The following CNTN4 variants were observed in gnomAD, a reference collection of about 807,000 sequenced individuals.
CNTN4 encodes the protein contactin-4.
CNTN4 carries 77 observed loss-of-function variants against 122.5 expected under a neutral mutation model. That is an observed-to-expected ratio of 0.63 (90% CI 0.52 to 0.76). The LOEUF is 0.76. Ranked by LOEUF, CNTN4 falls within the 30% of genes least tolerant of loss-of-function variation. The pLI, the probability that CNTN4 is intolerant of heterozygous loss-of-function variation, is 0.00. For synonymous variants in CNTN4, 512 were observed against 447.0 expected (o/e 1.15, Z -1.83); for missense variants, 1,256 against 1,259.1 (o/e 1.00, Z 0.04).
At chr3:2,945,312 C>T (rs186413602) in intron 13 of CNTN4, among the ~76,000 whole-genome samples, 1 of 152,314 alleles carries the variant, frequency 6.6e-6, no homozygotes, top group East Asian at 1.9e-4. Context: ...CTGAATTTCT[C>T]ATCATGTTCA....
intron 2 of CNTN4, among the ~76,000 whole-genome samples, chr3:2,270,944 A>T (rs2041269471): frequency 6.6e-6 from 1 of 152,140 alleles, no homozygotes; most frequent in South Asian, 2.1e-4. Flanking sequence ...GTTCCCTCCT[A>T]AAGAACTATC....
intron 2 of CNTN4, among the ~76,000 whole-genome samples, chr3:2,235,835 A>G (rs1474017092): frequency 6.6e-6 from 1 of 152,170 alleles, no homozygotes; most frequent in Admixed American, 6.5e-5. Context: ...CAGGTTTTCA[A>G]TGGCCACTCT....
At chr3:2,392,027 T>G (rs2150891463) in intron 3 of CNTN4, among the ~76,000 whole-genome samples, 1 of 152,286 alleles carries the variant, frequency 6.6e-6, no homozygotes, top group Non-Finnish European at 1.5e-5. Flanking sequence ...CTTATGCATC[T>G]CAGATTAGAA....
In CNTN4 at chr3:2,783,991, T is replaced by C. The variant is rs558330342; in HGVS notation, c.359-35495T>C. On this transcript the variant is annotated intron_variant, in intron 6 of 24. Transcript: ENST00000418658. The stretch of plus-strand genomic sequence containing the variant: ...CTCTTTTATTAACCATAAGCCTTTC[T>C]GGTCTTCTGGGTGTATATTTGTCAG... Among the ~76,000 whole-genome samples the C allele has an allele frequency of 2.4e-3, 369 of 152,366 alleles. 3 individuals are homozygous for C. The highest frequency in any genetic ancestry group is 8.3e-3 in the African/African-American group (346 of 41,588).
At chr3:2,332,519 C>G (rs1200440973) in intron 2 of CNTN4, among the ~76,000 whole-genome samples, 2 of 151,962 alleles carry the variant, frequency 1.3e-5, no homozygotes, top group Non-Finnish European at 2.9e-5. Flanking sequence ...TTAGGGAGAT[C>G]AGAAAATACC....
intron 3 of CNTN4, among the ~76,000 whole-genome samples, chr3:2,371,700 T>C (rs1041730023): frequency 2.6e-5 from 4 of 152,234 alleles, no homozygotes; most frequent in African/African-American, 9.6e-5. Flanking sequence ...ATTTTTCATG[T>C]AACATATATT....
chr3:2,394,306 G>C (rs902929329), intron 3 of CNTN4, among the ~76,000 whole-genome samples: 3 of 152,124 alleles, frequency 2.0e-5, no homozygotes, highest in Non-Finnish European at 2.9e-5. Flanking sequence ...GACAGGGCTA[G>C]ACCTAACTGG....
chr3:2,384,046 T>A (rs1231470092), intron 3 of CNTN4, among the ~76,000 whole-genome samples: 1 of 152,170 alleles, frequency 6.6e-6, no homozygotes, highest in Non-Finnish European at 1.5e-5. Context: ...AAAAATTATA[T>A]TCTCTGAAGT....
intron 3 of CNTN4, among the ~76,000 whole-genome samples, chr3:2,375,492 A>G (rs1222472045): frequency 6.6e-6 from 1 of 152,140 alleles, no homozygotes; most frequent in East Asian, 1.9e-4. Flanking sequence ...AAGCTTCTCT[A>G]GCAGAAAAGG....
intron 2 of CNTN4, among the ~76,000 whole-genome samples, chr3:2,308,619 T>G (rs1167969177): frequency 6.6e-6 from 1 of 152,088 alleles, no homozygotes; most frequent in Non-Finnish European, 1.5e-5. Context: ...CTGAAAGTAA[T>G]TTCCCTTTTG....
chr3:2,944,946 G>A (rs750888771), intron 13 of CNTN4, among the ~76,000 whole-genome samples: 3 of 152,134 alleles, frequency 2.0e-5, no homozygotes, highest in Non-Finnish European at 2.9e-5. Context: ...CTTCAGAATG[G>A]TCTTACCTTG....
intron 3 of CNTN4, among the ~76,000 whole-genome samples, chr3:2,512,354 G>A (rs2076912027): frequency 6.6e-6 from 1 of 151,652 alleles, no homozygotes; most frequent in South Asian, 2.1e-4. Context: ...GAAGTAATGT[G>A]AATTAAAAAA....
chr3:2,120,405 A>ATATATT (rs1428527983), intron 2 of CNTN4, among the ~76,000 whole-genome samples: 92 of 40,812 alleles, frequency 2.3e-3, no homozygotes, highest in Non-Finnish European at 3.0e-3. Flanking sequence ...ATATATATAT[A>ATATATT]TTTTTTTTTT....
At chr3:2,430,677 A>T (rs2048036474) in intron 3 of CNTN4, among the ~76,000 whole-genome samples, 1 of 151,398 alleles carries the variant, frequency 6.6e-6, no homozygotes, top group Admixed American at 6.6e-5. Context: ...GAGGTGCATT[A>T]TATTTAGCAA....
intron 3 of CNTN4, among the ~76,000 whole-genome samples, chr3:2,565,852 ACT>A (rs924316296): frequency 3.9e-5 from 6 of 152,126 alleles, no homozygotes; most frequent in African/African-American, 1.4e-4. Context: ...GAGTTAGGAA[ACT>A]CTCAACTCTA....
chr3:3,035,420 C>T (rs1699519494), intron 17 of CNTN4, among the ~76,000 whole-genome samples: 1 of 151,976 alleles, frequency 6.6e-6, no homozygotes, highest in African/African-American at 2.4e-5. Context: ...TACCTAAAAT[C>T]ATCTGTGTAG....
chr3:2,940,909 CT>C (rs1436847070), intron 13 of CNTN4, among the ~76,000 whole-genome samples: 1 of 152,096 alleles, frequency 6.6e-6, no homozygotes. Flanking sequence ...TTGAATTGAG[CT>C]TTTTATATTT....
At chr3:2,558,088 A>C (rs768561924) in intron 3 of CNTN4, among the ~76,000 whole-genome samples, 3 of 152,234 alleles carry the variant, frequency 2.0e-5, no homozygotes, top group Non-Finnish European at 4.4e-5. Context: ...TTTTCAAGCT[A>C]GAAAATTATT....
chr3:2,355,230 G>A (rs541395456), intron 3 of CNTN4, among the ~76,000 whole-genome samples: 30 of 152,260 alleles, frequency 2.0e-4, no homozygotes, highest in African/African-American at 6.7e-4. Context: ...CAGTAATACA[G>A]AATAGTAAAG....
Sources: gnomAD v4.1 joint callset for allele counts (sites outside exome capture counted in the v4.1 genomes callset) on GRCh38, gnomAD v4.1.1 for gene constraint, MANE v1.5 for transcripts, NCBI Gene and HGNC (gene_info 2026-07-23, HGNC 2026-07-21) for gene names.